Variants in C18orf54 observed in about 807,000 individuals in gnomAD.
The protein encoded by C18orf54 is lung adenoma susceptibility protein 2.
A neutral mutation model predicts 49.3 loss-of-function variants in C18orf54; 49 were observed. The ratio of observed to expected loss-of-function variants is 0.99; its 90% confidence interval spans 0.79 to 1.26. The LOEUF (loss-of-function observed/expected upper bound fraction) is 1.26, where lower values mean the gene tolerates loss of function less well. Among genes scored for constraint, C18orf54 ranks in the 50% most tolerant of loss-of-function variants. The pLI, the probability that C18orf54 is intolerant of heterozygous loss-of-function variation, is 0.00. For synonymous variants in C18orf54, 211 were observed against 216.6 expected (o/e 0.97, Z 0.23); for missense variants, 687 against 620.6 (o/e 1.11, Z -1.14).
chr18:54,366,436 T>C (rs915222060), intron 6 of C18orf54, among the ~76,000 whole-genome samples: 5 of 152,060 alleles, frequency 3.3e-5, no homozygotes, highest in Non-Finnish European at 7.4e-5. Flanking sequence ...TCCAGAGTCA[T>C]ACATTTTGTC....
chr18:54,364,673 A>G (rs981367652), intron 5 of C18orf54, among the ~76,000 whole-genome samples: 1 of 150,104 alleles, frequency 6.7e-6, no homozygotes, highest in African/African-American at 2.5e-5. Flanking sequence ...AAATTACGAA[A>G]GTAGAATAGC....
At position 54,381,792 on chromosome 18, in the gene C18orf54, G is replaced by A. The variant is rs1052977100; in HGVS notation, c.*3546G>A. ...TTTAGCTGTTATATTTCATTTTAAT[G>A]TTTTGGGTGGTGCCTCTTATACTAT... On this transcript the variant is annotated 3_prime_UTR_variant, in exon 9 of 9. Transcript: ENST00000620105. 4.6e-5 allele frequency: 7 copies of A among 152,038 alleles called. No individual in the cohort carries two copies. Among genetic ancestry groups the A allele is most frequent in the Admixed American group, 3.3e-4 (5 of 15,264 alleles). The allele number at this position is 152,038 out of a possible 1,614,324, so 9.4% of individuals were successfully genotyped here. A position where few individuals can be genotyped will look rare whatever the true frequency, so the allele number is the denominator to read the frequency against.
rs543979075 is a variant in C18orf54, at chr18:54,371,737, G to A, written c.1327-729G>A. ...TTGAAGTTTAAGTAGTACTTATGGT[G>A]CACAGTCTATGCTGAAATATATTAA... is the stretch of plus-strand genomic sequence containing the variant. On this transcript the variant is annotated intron_variant, in intron 6 of 8. Coordinates refer to ENST00000620105, the MANE Select transcript of C18orf54 (RefSeq NM_001288980.2). Among the ~76,000 whole-genome samples the A allele has an allele frequency of 6.8e-4, 103 of 152,216 alleles. 1 individual carries two copies. Among genetic ancestry groups the A allele is most frequent in the East Asian group, 1.4e-3 (7 of 5,180 alleles).
At chr18:54,365,901 T>A in intron 6 of C18orf54, 80 bp downstream of exon 6, 1 of 740,946 alleles carries the variant, frequency 1.3e-6, no homozygotes, top group Admixed American at 2.9e-5. Flanking sequence ...GTTACTTAGA[T>A]AATTTAAAGC....
Position 54,378,216 on chromosome 18 carries a change from T to C in C18orf54, c.1572T>C (p.Asp524=). ...HLSRLRDLVD[D]TNGERSPKM Reference sequence around the variant, plus strand: ...CTCGCCTGAGAGACCTGGTTGATGATACGAATGGAGAACGGTCACCGAAAA... The same window carrying C: ...CTCGCCTGAGAGACCTGGTTGATGACACGAATGGAGAACGGTCACCGAAAA... Residue 524 remains aspartate (D), a synonymous_variant, in exon 9 of 9, where the codon GAT becomes GAC. Transcript: ENST00000620105. 6.2e-7 allele frequency: 1 copy of C among 1,613,682 alleles called. No homozygotes were observed. Among genetic ancestry groups the C allele is most frequent in the South Asian group, 1.1e-5 (1 of 91,016 alleles).
Position 54,357,909 on chromosome 18 carries a change from A to C in C18orf54, c.-310A>C, listed in dbSNP as rs953074282. 1 of 152,162 alleles carries C rather than the reference A, an allele frequency of 6.6e-6. No homozygotes were observed. Among genetic ancestry groups the C allele is most frequent in the Non-Finnish European group, 1.5e-5 (1 of 68,066 alleles). 9.4% of individuals were successfully genotyped at this position (152,162 alleles called of 1,614,324 possible). A position where few individuals can be genotyped will look rare whatever the true frequency, so the allele number is the denominator to read the frequency against. On this transcript the variant is annotated 5_prime_UTR_variant, in exon 1 of 9. It removes an upstream start codon present in the reference 5' UTR. Transcript: ENST00000620105. ...CGCATGCGCACCGCAGGCCGGCGCC[A>C]TGTTGGGGCGGTTTGAAAGCGAGCG...
chr18:54,361,822 T>C lies in C18orf54; in HGVS notation c.463T>C (p.Cys155Arg). 1 of 1,614,068 alleles carries C rather than the reference T, an allele frequency of 6.2e-7. No homozygotes were observed. The highest frequency in any genetic ancestry group is 8.5e-7 in the Non-Finnish European group (1 of 1,179,976). ...SHRTSKKNKK[C>R]RGRLGSLDIE... ...CCGAACGAGCAAGAAAAACAAGAAA[T>C]GCCGTGGAAGACTGGGTTCATTGGA... Residue 155 changes from cysteine to arginine, a missense_variant, in exon 4 of 9, where the codon TGC becomes CGC. Cys to Arg is a radical substitution (Grantham distance 180). Transcript: ENST00000620105.
intron 4 of C18orf54, 144 bp from the exon 5 acceptor site, chr18:54,362,627 T>G (rs983347550): frequency 1.1e-6 from 1 of 923,570 alleles, no homozygotes; most frequent in East Asian, 2.8e-5. Context: ...TTTCTTTGCT[T>G]GAAATGTCAC....
chr18:54,362,999 C>A, intron 5 of C18orf54, 78 bp downstream of exon 5: 1 of 1,346,984 alleles, frequency 7.4e-7, no homozygotes, highest in South Asian at 1.4e-5. Flanking sequence ...TATATTTAAA[C>A]GAACGGTAAT....
At chr18:54,370,437 A>G (rs567373087) in intron 6 of C18orf54, among the ~76,000 whole-genome samples, 12 of 152,310 alleles carry the variant, frequency 7.9e-5, no homozygotes, top group Non-Finnish European at 1.6e-4. Flanking sequence ...AGGTACTTGA[A>G]CTTCCTTGAA....
intron 5 of C18orf54, among the ~76,000 whole-genome samples, chr18:54,364,524 T>C (rs758953251): frequency 6.6e-6 from 1 of 152,056 alleles, no homozygotes; most frequent in African/African-American, 2.4e-5. Context: ...CAGTTTGAGA[T>C]TGACAAATTA....
chr18:54,379,615 A>G lies in C18orf54; in HGVS notation c.*1369A>G, dbSNP rs1300634131. 1 of 151,364 alleles carries G rather than the reference A, an allele frequency of 6.6e-6. No homozygotes were observed. Among genetic ancestry groups the G allele is most frequent in the South Asian group, 2.1e-4 (1 of 4,808 alleles). 9.4% of individuals were successfully genotyped at this position (151,364 alleles called of 1,614,324 possible). A position where few individuals can be genotyped will look rare whatever the true frequency, so the allele number is the denominator to read the frequency against. ...CTATGGAGATGTTTTTACCACTGAC[A>G]CTGTTTTCTGATTATAGTCTGCTTC... On this transcript the variant is annotated 3_prime_UTR_variant, in exon 9 of 9. Transcript: ENST00000620105.
intron 7 of C18orf54, among the ~76,000 whole-genome samples, chr18:54,373,309 CAATA>C (rs887398500): frequency 1.3e-5 from 2 of 151,614 alleles, no homozygotes; most frequent in African/African-American, 2.4e-5. Context: ...TTTTAATTGA[CAATA>C]TATATATATT....
chr18:54,362,416 A>G lies in C18orf54; in HGVS notation c.1057A>G (p.Thr353Ala). 6.6e-7 allele frequency: 1 copy of G among 1,517,372 alleles called. No homozygotes were observed. The highest frequency in any genetic ancestry group is 1.2e-5 in the South Asian group (1 of 81,016). 94.0% of individuals were successfully genotyped at this position (1,517,372 alleles called of 1,614,324 possible). ...GAATCCACTTCTCCCAGGACAATCC[A>G]CAAAGCCATTCAGTGGTAATACTTT... is the stretch of plus-strand genomic sequence containing the variant. Reference protein sequence around the residue: ...CENPLLPGQSTKPFSGDKIEL... With the variant: ...CENPLLPGQSAKPFSGDKIEL... Residue 353 changes from threonine (T) to alanine (A), a missense_variant, in exon 4 of 9, where the codon ACA (threonine) becomes GCA (alanine). By Grantham distance (58) the Thr-to-Ala change is moderately conservative. Coordinates refer to ENST00000620105, the MANE Select transcript of C18orf54 (RefSeq NM_001288980.2).
intron 2 of C18orf54, among the ~76,000 whole-genome samples, chr18:54,359,531 A>T (rs1254738650): frequency 6.6e-6 from 1 of 152,212 alleles, no homozygotes; most frequent in African/African-American, 2.4e-5. Flanking sequence ...TTAAAGCCAA[A>T]TTTAATAGTT....
chr18:54,360,571 C>A lies in C18orf54; in HGVS notation c.-2C>A. The A allele has an allele frequency of 6.2e-7, 1 of 1,613,244 alleles. No individual in the cohort carries two copies. Among genetic ancestry groups the A allele is most frequent in the East Asian group, 2.2e-5 (1 of 44,870 alleles). On this transcript the variant is annotated 5_prime_UTR_variant, in exon 3 of 9. Transcript: ENST00000620105. ...ATAGAAACAATCCACTTTGAAGAAGCCATGGCGAAATCAAAGACAAAACAT... is the reference window on the plus strand; with the variant it reads ...ATAGAAACAATCCACTTTGAAGAAGACATGGCGAAATCAAAGACAAAACAT...
Position 54,362,770 on chromosome 18 carries a change from G to A in C18orf54, c.1073-1G>A. 1 of 1,601,620 alleles carries A rather than the reference G, an allele frequency of 6.2e-7. No individual in the cohort carries two copies. Among genetic ancestry groups the A allele is most frequent in the Non-Finnish European group, 8.5e-7 (1 of 1,177,046 alleles). On this transcript the variant is annotated splice_acceptor_variant, in intron 4 of 8. Transcript: ENST00000620105. LOFTEE classifies it high-confidence loss of function. ...GATTAATAGTCATCTTTTACAATTA[G>A]GTGACAAAATTGAATTGCTTATCTT...
In C18orf54 at chr18:54,370,500, A is replaced by G. The variant is rs553007754; in HGVS notation, c.1327-1966A>G. On this transcript the variant is annotated intron_variant, in intron 6 of 8. Transcript: ENST00000620105. The stretch of plus-strand genomic sequence containing the variant: ...ACAGTCTCCCAAGAAAACAGCGATG[A>G]CTATATATTGGGTTGTCCTCTTGTT... Among the ~76,000 whole-genome samples, 16 of 152,268 alleles carry G rather than the reference A, an allele frequency of 1.1e-4. No individual in the cohort carries two copies. The South Asian group carries it at 2.7e-3, about 26-fold the overall frequency.
chr18:54,358,563 G>C (rs2144709841), intron 1 of C18orf54: 1 of 152,388 alleles, frequency 6.6e-6, no homozygotes, highest in South Asian at 2.1e-4. Context: ...TGGAATTCAG[G>C]GCGCCCGGGG....
Sources: gnomAD v4.1 joint callset for allele counts (sites outside exome capture counted in the v4.1 genomes callset) on GRCh38, gnomAD v4.1.1 for gene constraint, MANE v1.5 for transcripts, NCBI Gene and HGNC (gene_info 2026-07-23, HGNC 2026-07-21) for gene names.